CACNA1A: variants seen among roughly 807,000 people sequenced by gnomAD.
CACNA1A encodes the protein calcium voltage-gated channel subunit alpha1 A.
Under a neutral mutation model 262.4 loss-of-function variants are expected in CACNA1A, and 57 were observed. The ratio of observed to expected loss-of-function variants is 0.22; its 90% confidence interval spans 0.18 to 0.27. The LOEUF is 0.27. Ranked by LOEUF, CACNA1A falls within the 10% of genes least tolerant of loss-of-function variation. The pLI is 1.00. For missense variants in CACNA1A, 2,526 were observed against 3,562.8 expected, an observed-to-expected ratio of 0.71 and a Z score of 7.41; for synonymous variants, 1,431 against 1,419.3, an observed-to-expected ratio of 1.01 and a Z score of -0.18.
intron 3 of CACNA1A, among the ~76,000 whole-genome samples, chr19:13,379,542 A>G (rs992908588): frequency 3.9e-5 from 6 of 152,272 alleles, no homozygotes; most frequent in Middle Eastern, 3.4e-3. Context: ...CGTCAGTGAC[A>G]TGGGGCTGGC....
intron 1 of CACNA1A, among the ~76,000 whole-genome samples, chr19:13,457,261 A>G (rs1252441561): frequency 6.6e-6 from 1 of 151,754 alleles, no homozygotes; most frequent in Non-Finnish European, 1.5e-5. Flanking sequence ...TCAAAACAAC[A>G]ACAACAAAAA....
chr19:13,293,439 C>CTTT (rs974515720), intron 19 of CACNA1A, among the ~76,000 whole-genome samples: 284 of 80,894 alleles, frequency 3.5e-3, no homozygotes, highest in Middle Eastern at 0.012. Flanking sequence ...TCAGTTAAAT[C>CTTT]TTTTTTTTTT....
chr19:13,284,545 T>C (rs950502654), intron 21 of CACNA1A: 1 of 152,270 alleles, frequency 6.6e-6, no homozygotes, highest in African/African-American at 2.4e-5. Flanking sequence ...ATGGGATAAA[T>C]TTCTCCCCTA....
intron 3 of CACNA1A, among the ~76,000 whole-genome samples, chr19:13,449,214 T>C (rs117072362): frequency 6.6e-5 from 10 of 152,074 alleles, no homozygotes; most frequent in Admixed American, 1.3e-4. Flanking sequence ...GCAGTCTTCC[T>C]GCCCTGGCCT....
At chr19:13,268,584 C>T (rs750583412) in intron 24 of CACNA1A, among the ~76,000 whole-genome samples, 59 of 152,038 alleles carry the variant, frequency 3.9e-4, no homozygotes, top group South Asian at 2.1e-4. Context: ...AGGCGCCCAC[C>T]ACCACGCCCA....
intron 1 of CACNA1A, among the ~76,000 whole-genome samples, chr19:13,488,624 T>G (rs1980347823): frequency 6.6e-6 from 1 of 151,866 alleles, no homozygotes; most frequent in African/African-American, 2.4e-5. Context: ...GGTCTCAAAC[T>G]TCTGACCTCA....
At chr19:13,271,208 TCTG>T (rs1352676290) in intron 24 of CACNA1A, 7 of 137,916 alleles carry the variant, frequency 5.1e-5, no homozygotes, top group African/African-American at 1.9e-4. Flanking sequence ...AAAGAATCAT[TCTG>T]CTGTTTTTTT....
At chr19:13,425,928 C>G (rs1223653221) in intron 3 of CACNA1A, among the ~76,000 whole-genome samples, 1 of 152,128 alleles carries the variant, frequency 6.6e-6, no homozygotes, top group African/African-American at 2.4e-5. Flanking sequence ...TGTGGTGGCA[C>G]ACGCCTGTAA....
intron 3 of CACNA1A, among the ~76,000 whole-genome samples, chr19:13,442,646 A>C (rs998842565): frequency 2.0e-5 from 3 of 152,196 alleles, no homozygotes; most frequent in African/African-American, 7.2e-5. Context: ...CCCTTTTTCC[A>C]GGTGAGAAAA....
At chr19:13,500,246 T>A (rs1305271206) in intron 1 of CACNA1A, among the ~76,000 whole-genome samples, 1 of 152,184 alleles carries the variant, frequency 6.6e-6, no homozygotes, top group Non-Finnish European at 1.5e-5. Flanking sequence ...CAGCAAACGT[T>A]TATAGGACGC....
intron 1 of CACNA1A, among the ~76,000 whole-genome samples, chr19:13,477,437 A>G (rs1017544801): frequency 1.3e-5 from 2 of 152,220 alleles, no homozygotes; most frequent in Non-Finnish European, 2.9e-5. Context: ...CTTGGCCACC[A>G]TGTATACTCC....
chr19:13,278,486 C>A (rs2057205135), intron 22 of CACNA1A, among the ~76,000 whole-genome samples: 1 of 152,174 alleles, frequency 6.6e-6, no homozygotes, highest in African/African-American at 2.4e-5. Flanking sequence ...ACTCCCCTGA[C>A]CGGCTGTTTA....
At chr19:13,350,238 C>T (rs2058882407) in intron 6 of CACNA1A, among the ~76,000 whole-genome samples, 1 of 152,188 alleles carries the variant, frequency 6.6e-6, no homozygotes, top group Admixed American at 6.5e-5. Flanking sequence ...CTCAGTACTA[C>T]TGACATTTTG....
intron 3 of CACNA1A, among the ~76,000 whole-genome samples, chr19:13,376,550 T>A (rs1016624788): frequency 7.4e-5 from 11 of 149,330 alleles, no homozygotes; most frequent in African/African-American, 2.4e-4. Flanking sequence ...AATATATATA[T>A]AATATATAAC....
chr19:13,414,615 T>A lies in CACNA1A; in HGVS notation c.539+38261A>T, dbSNP rs530141246. On this transcript the variant is annotated intron_variant, in intron 3 of 46. Transcript: ENST00000360228. ...AAAGAAACACAAGCCAAAAGCATCA[T>A]CAGGCTGAGAAGAGAAAATGTCTTA... Among the ~76,000 whole-genome samples, 14 of 152,184 alleles carry A rather than the reference T, an allele frequency of 9.2e-5. No homozygotes were observed. The South Asian group carries it at 1.7e-3, about 18-fold the overall frequency.
At chr19:13,403,283 T>TG (rs1008031362) in intron 3 of CACNA1A, among the ~76,000 whole-genome samples, 18 of 152,098 alleles carry the variant, frequency 1.2e-4, no homozygotes, top group Non-Finnish European at 2.5e-4. Flanking sequence ...GTTCTTTGCC[T>TG]GGGACATTCT....
Position 13,433,460 on chromosome 19 carries a change from C to CAAAAAAAAAAAAAAA in CACNA1A, c.539+19401_539+19415dup, listed in dbSNP as rs533297364. Among the ~76,000 whole-genome samples the CAAAAAAAAAAAAAAA allele has an allele frequency of 1.2e-3, 90 of 76,208 alleles. 9 individuals are homozygous for CAAAAAAAAAAAAAAA. Among genetic ancestry groups the CAAAAAAAAAAAAAAA allele is most frequent in the South Asian group, 2.1e-3 (3 of 1,404 alleles). The allele number at this position is 76,208 out of a possible 152,430, so 50.0% of individuals were successfully genotyped here. A position where few individuals can be genotyped will look rare whatever the true frequency, so the allele number is the denominator to read the frequency against. On this transcript the variant is annotated intron_variant, in intron 3 of 46. Transcript: ENST00000360228. The stretch of plus-strand genomic sequence containing the variant: ...TCGGCAACAAAGCAAGACGCTGTCT[C>CAAAAAAAAAAAAAAA]AAAAAAAAAAAAAAAAAAAAAAAGT...
At chr19:13,440,819 T>G (rs569578196) in intron 3 of CACNA1A, among the ~76,000 whole-genome samples, 2 of 152,334 alleles carry the variant, frequency 1.3e-5, no homozygotes, top group African/African-American at 4.8e-5. Context: ...TTTTGTGTTT[T>G]GTTTTGTTTG....
intron 24 of CACNA1A, among the ~76,000 whole-genome samples, chr19:13,269,915 G>A (rs2056973594): frequency 6.6e-6 from 1 of 152,124 alleles, no homozygotes; most frequent in South Asian, 2.1e-4. Context: ...CAGCACTGGG[G>A]GAAGAATCCT....
Sources: allele counts gnomAD v4.1 joint callset (sites outside exome capture counted in the v4.1 genomes callset), GRCh38; gene constraint gnomAD v4.1.1; transcripts MANE v1.5; gene names NCBI Gene and HGNC (gene_info 2026-07-23, HGNC 2026-07-21).